SAR1A: variants seen among roughly 807,000 people sequenced by gnomAD.
SAR1A encodes secretion associated Ras related GTPase 1A, also known as small COPII coat GTPase SAR1A.
A neutral mutation model predicts 22.6 loss-of-function variants in SAR1A; 6 were observed. The observed-to-expected ratio is 0.27, with a 90% confidence interval of 0.15 to 0.52. SAR1A has a LOEUF of 0.52. Among genes scored for constraint, SAR1A ranks in the 20% least tolerant of loss-of-function variants. The pLI, the probability that SAR1A is intolerant of heterozygous loss-of-function variation, is 0.96. For missense variants in SAR1A, 145 were observed against 245.1 expected, an observed-to-expected ratio of 0.59 and a Z score of 2.73; for synonymous variants, 70 against 82.2, an observed-to-expected ratio of 0.85 and a Z score of 0.80.
intron 4 of SAR1A, among the ~76,000 whole-genome samples, chr10:70,160,740 T>C (rs543503231): frequency 1.6e-4 from 24 of 152,360 alleles, no homozygotes; most frequent in South Asian, 1.2e-3. Context: ...AGTTCATGAA[T>C]AGTTATACAT....
intron 5 of SAR1A, among the ~76,000 whole-genome samples, chr10:70,157,385 C>T (rs1370240653): frequency 2.9e-5 from 4 of 138,412 alleles, no homozygotes; most frequent in African/African-American, 1.1e-4. Flanking sequence ...ACCTGGGCAA[C>T]AGAGCAAGAC....
intron 1 of SAR1A, chr10:70,162,925 T>C (rs1839495244): frequency 6.6e-6 from 1 of 152,278 alleles, no homozygotes; most frequent in Non-Finnish European, 1.5e-5. Flanking sequence ...CTAGTATAAT[T>C]GTTTTGTTGT....
intron 1 of SAR1A, chr10:70,162,862 T>C (rs1451185673): frequency 6.6e-6 from 1 of 152,300 alleles, no homozygotes; most frequent in Non-Finnish European, 1.5e-5. Context: ...TCAAACTTTT[T>C]CATTATTCTT....
At chr10:70,161,252 C>A (rs186758822) in intron 3 of SAR1A, 183 bp from the exon 4 acceptor site, 1 of 569,602 alleles carries the variant, frequency 1.8e-6, no homozygotes, top group East Asian at 3.0e-5. Flanking sequence ...TAATCTGAGC[C>A]CAGGATTTTT....
intron 1 of SAR1A, chr10:70,163,061 G>T (rs11812534): frequency 6.6e-6 from 1 of 152,186 alleles, no homozygotes. Context: ...AGTTAGAAAT[G>T]ATTAAGCTTA....
At chr10:70,162,087 C>G (rs1172184301) in intron 1 of SAR1A, among the ~76,000 whole-genome samples, 156 bp from the exon 2 acceptor site, 3 of 152,102 alleles carry the variant, frequency 2.0e-5, no homozygotes, top group Admixed American at 2.0e-4. Flanking sequence ...CACCTGGAAT[C>G]CCAGCATTTG....
At chr10:70,161,138 G>T in intron 3 of SAR1A, 69 bp from the exon 4 acceptor site, 2 of 1,088,922 alleles carry the variant, frequency 1.8e-6, no homozygotes, top group Non-Finnish European at 2.7e-6. Context: ...AGTACTATAA[G>T]CCAATATCAA....
rs543131770 is a variant in SAR1A at position 70,147,733 on chromosome 10, G to A, written c.*4743C>T. The A allele has an allele frequency of 2.6e-5, 4 of 152,328 alleles. No individual in the cohort carries two copies. The highest frequency in any genetic ancestry group is 2.1e-4 in the South Asian group (1 of 4,822). The allele number at this position is 152,328 out of a possible 1,614,324, so 9.4% of individuals were successfully genotyped here. A position where few individuals can be genotyped will look rare whatever the true frequency, so the allele number is the denominator to read the frequency against. On this transcript the variant is annotated 3_prime_UTR_variant, in exon 7 of 7. Transcript: ENST00000373241. ...CTGCTCTACTTTTCCAAAGAAGTAC[G>A]CTTTAGGACAGAGGAGGATGAACGA...
intron 1 of SAR1A, among the ~76,000 whole-genome samples, chr10:70,169,193 T>A (rs1839592171): frequency 6.6e-6 from 1 of 151,860 alleles, no homozygotes; most frequent in Non-Finnish European, 1.5e-5. Flanking sequence ...TAAACCCTCA[T>A]CTCTAACACC....
At chr10:70,163,535 T>TA in intron 1 of SAR1A, 2 of 504,436 alleles carry the variant, frequency 4.0e-6, no homozygotes, top group Non-Finnish European at 3.6e-6. Context: ...CATACTCATT[T>TA]ACCATTCTGA....
Position 70,152,352 on chromosome 10 carries a change from C to T in SAR1A, c.*124G>A. On this transcript the variant is annotated 3_prime_UTR_variant, in exon 7 of 7. Coordinates refer to ENST00000373241, the MANE Select transcript of SAR1A (RefSeq NM_020150.5). ...GGCAATGAGAGAGTTGACAGAGACT[C>T]TTGGCTTCTCAACGCCAGACATGGT... 1.1e-6 allele frequency: 1 copy of T among 933,844 alleles called. No individual in the cohort carries two copies. Among genetic ancestry groups the T allele is most frequent in the Non-Finnish European group, 1.7e-6 (1 of 588,264 alleles). 57.8% of individuals were successfully genotyped at this position (933,844 alleles called of 1,614,324 possible).
chr10:70,162,426 A>AG (rs1228348848), intron 1 of SAR1A, among the ~76,000 whole-genome samples: 3 of 122,804 alleles, frequency 2.4e-5, no homozygotes, highest in Admixed American at 8.1e-5. Context: ...GGAAAGGGAA[A>AG]GGAAAGGAAA....
At chr10:70,159,773 C>T (rs1246970364) in intron 4 of SAR1A, among the ~76,000 whole-genome samples, 2 of 152,214 alleles carry the variant, frequency 1.3e-5, no homozygotes, top group African/African-American at 4.8e-5. Context: ...TATTTATTCT[C>T]ACATCTTAAA....
intron 3 of SAR1A, 140 bp downstream of exon 3, chr10:70,161,479 T>C (rs1839466847): frequency 1.1e-6 from 1 of 882,436 alleles, no homozygotes; most frequent in African/African-American, 1.7e-5. Context: ...AACCTGAGTG[T>C]GTCTTACAGG....
At chr10:70,158,632 C>G (rs1839425456) in intron 4 of SAR1A, among the ~76,000 whole-genome samples, 1 of 151,924 alleles carries the variant, frequency 6.6e-6, no homozygotes, top group Admixed American at 6.6e-5. Context: ...ATAATGGTTA[C>G]CTTTAAAGAG....
chr10:70,152,360 C>T lies in SAR1A; in HGVS notation c.*116G>A, dbSNP rs1474625376. The T allele has an allele frequency of 6.5e-5, 63 of 962,018 alleles. No individual in the cohort carries two copies. Among genetic ancestry groups the T allele is most frequent in the Non-Finnish European group, 8.9e-5 (54 of 608,876 alleles). The allele number at this position is 962,018 out of a possible 1,614,324, so 59.6% of individuals were successfully genotyped here. A position where few individuals can be genotyped will look rare whatever the true frequency, so the allele number is the denominator to read the frequency against. ...GAGAGTTGACAGAGACTCTTGGCTT[C>T]TCAACGCCAGACATGGTTGGAGAGC... On this transcript the variant is annotated 3_prime_UTR_variant, in exon 7 of 7. Transcript: ENST00000373241.
intron 1 of SAR1A, chr10:70,163,616 C>G (rs537001581): frequency 1.4e-6 from 1 of 692,196 alleles, no homozygotes; most frequent in Non-Finnish European, 2.7e-6. Flanking sequence ...CTAAATCAGT[C>G]CAAGTGGAGC....
Position 70,152,581 on chromosome 10 carries a change from G to C in SAR1A, c.492C>G (p.Thr164=), listed in dbSNP as rs756683707. ...TGGGGCGAGCATTCAGCTCCTTCAG[G>C]GTCACATTCCCCTAAAGGAGGCAAA... ...YGQTTGKGNV[T]LKELNARPME... is the part of the protein sequence containing the mutation. Residue 164 remains threonine, a synonymous_variant, in exon 7 of 7, where the codon ACC becomes ACG. Coordinates refer to ENST00000373241, the MANE Select transcript of SAR1A (RefSeq NM_020150.5). The C allele has an allele frequency of 1.8e-5, 29 of 1,613,360 alleles. 1 individual carries two copies. In the South Asian group the frequency reaches 3.0e-4, roughly 17 times the overall value.
chr10:70,166,050 T>C (rs1839545822), intron 1 of SAR1A, among the ~76,000 whole-genome samples: 2 of 152,256 alleles, frequency 1.3e-5, no homozygotes, highest in South Asian at 4.1e-4. Context: ...TGTTAGCATT[T>C]TTTAGCCATA....
Sources: allele counts gnomAD v4.1 joint callset (sites outside exome capture counted in the v4.1 genomes callset), GRCh38; gene constraint gnomAD v4.1.1; transcripts MANE v1.5; gene names NCBI Gene and HGNC (gene_info 2026-07-23, HGNC 2026-07-21).